Variants in RAMP3 observed in about 807,000 individuals in gnomAD.
RAMP3 encodes the protein receptor activity modifying protein 3, also known as receptor activity-modifying protein 3.
In RAMP3, 14 loss-of-function variants were observed where a neutral mutation model predicts 13.5. The observed-to-expected ratio is 1.04, with a 90% CI of 0.69 to 1.63. RAMP3 has a LOEUF of 1.63. Ranked by LOEUF, RAMP3 falls within the 40% of genes most tolerant of loss-of-function variation. RAMP3 has a pLI of 0.00. For synonymous variants in RAMP3, 106 were observed against 88.3 expected (o/e 1.20, Z -1.12); for missense variants, 200 against 204.8 (o/e 0.98, Z 0.14).
intron 2 of RAMP3, among the ~76,000 whole-genome samples, chr7:45,180,809 T>G (rs575784472): frequency 6.6e-6 from 1 of 152,168 alleles, no homozygotes; most frequent in African/African-American, 2.4e-5. Context: ...CCATCCTGGG[T>G]TGTGGTGCAT....
rs575481854 is a variant in RAMP3 at position 45,177,439 on chromosome 7, C to T, written c.189C>T (p.Ile63=). Residue 63 remains isoleucine (I), a splice_region_variant and synonymous_variant, in exon 2 of 3, where the codon ATC becomes ATT. Coordinates refer to ENST00000242249, the MANE Select transcript of RAMP3 (RefSeq NM_005856.3). The stretch of plus-strand genomic sequence containing the variant: ...AGTGGTGCAACCTGTCCGAGTTCAT[C>T]GTGTGAGTGCCACTGCTGGGCGTGG... The part of the protein sequence containing the change: ...VWKWCNLSEF[I]VYYESFTNCT... 1.2e-5 allele frequency: 20 copies of T among 1,614,078 alleles called. No homozygotes were observed. The highest frequency in any genetic ancestry group is 6.6e-5 in the South Asian group (6 of 91,084).
intron 2 of RAMP3, among the ~76,000 whole-genome samples, chr7:45,180,507 C>T (rs112386816): frequency 1.8e-4 from 28 of 152,346 alleles, no homozygotes; most frequent in African/African-American, 6.3e-4. Context: ...TCCCCAAACT[C>T]GCCCATGGCC....
rs1203787329 is a variant in RAMP3 at position 45,177,401 on chromosome 7, G to T, written c.151G>T (p.Val51Leu). The change falls in exon 2 of 3, where the codon GTG (valine) becomes TTG (leucine). Residue 51 changes from valine to leucine, a missense_variant. Transcript: ENST00000242249. The stretch of plus-strand genomic sequence containing the variant: ...GGCTTTCGCAGACATGATGGGCAAG[G>T]TGGACGTCTGGAAGTGGTGCAACCT... ...GKAFADMMGKVDVWKWCNLSE... is the reference protein window; with the variant it reads ...GKAFADMMGKLDVWKWCNLSE... The T allele has an allele frequency of 6.2e-7, 1 of 1,614,142 alleles. No homozygotes were observed. The highest frequency in any genetic ancestry group is 8.5e-7 in the Non-Finnish European group (1 of 1,179,992).
intron 1 of RAMP3, among the ~76,000 whole-genome samples, chr7:45,175,415 G>C (rs976216694): frequency 6.6e-6 from 1 of 152,232 alleles, no homozygotes; most frequent in African/African-American, 2.4e-5. Flanking sequence ...TCCTGGGGAA[G>C]CTTGCATGGA....
At chr7:45,181,253 T>C (rs1264559149) in intron 2 of RAMP3, among the ~76,000 whole-genome samples, 7 of 152,266 alleles carry the variant, frequency 4.6e-5, no homozygotes, top group African/African-American at 1.7e-4. Flanking sequence ...CTCTGCAACC[T>C]GAGCCTGAAG....
intron 2 of RAMP3, 143 bp downstream of exon 2, chr7:45,177,584 C>T (rs1484256523): frequency 9.5e-6 from 12 of 1,256,890 alleles, no homozygotes; most frequent in Admixed American, 2.2e-5. Flanking sequence ...CACCCACAGC[C>T]CTTTCATGTG....
intron 1 of RAMP3, among the ~76,000 whole-genome samples, chr7:45,168,801 C>G (rs1786025386): frequency 6.6e-6 from 1 of 152,142 alleles, no homozygotes; most frequent in Non-Finnish European, 1.5e-5. Flanking sequence ...CTAGAACTTC[C>G]AGTAATTATG....
Position 45,157,873 on chromosome 7 carries a change from G to T in RAMP3, c.45G>T (p.Leu15=). ...ALRRPQLLPL[L]LLLCGGCPRA... is the part of the protein sequence containing the mutation. Reference sequence around the variant, plus strand: ...GGCGCCCGCAACTTCTCCCGTTGCTGCTGCTGCTCTGCGGTAAGGGGGCGA... The same window carrying T: ...GGCGCCCGCAACTTCTCCCGTTGCTTCTGCTGCTCTGCGGTAAGGGGGCGA... The change falls in exon 1 of 3, where the codon CTG becomes CTT. Residue 15 remains leucine, a synonymous_variant. Coordinates refer to ENST00000242249, the MANE Select transcript of RAMP3 (RefSeq NM_005856.3). 7.1e-7 allele frequency: 1 copy of T among 1,404,340 alleles called. No homozygotes were observed. The allele number at this position is 1,404,340 out of a possible 1,614,324, so 87.0% of individuals were successfully genotyped here.
At chr7:45,158,087 G>C (rs1050283921) in intron 1 of RAMP3, among the ~76,000 whole-genome samples, 1 of 152,256 alleles carries the variant, frequency 6.6e-6, no homozygotes. Flanking sequence ...AAGGACTCTG[G>C]CGGGCAAGGG....
chr7:45,180,336 G>T (rs1382123810), intron 2 of RAMP3, among the ~76,000 whole-genome samples: 1 of 152,226 alleles, frequency 6.6e-6, no homozygotes, highest in East Asian at 1.9e-4. Context: ...CAAGAATGAA[G>T]GACACTCCTT....
rs1043997154 is a variant in RAMP3 at position 45,183,280 on chromosome 7, C to T, written c.315C>T (p.Thr105=). ...ACAGGCAGTTCTTCTCCAACTGCAC[C>T]GTGGACAGGGTCCACTTGGAGGACC... is the stretch of plus-strand genomic sequence containing the variant. The part of the protein sequence containing the change: ...GIHRQFFSNC[T]VDRVHLEDPP... Residue 105 remains threonine, a synonymous_variant, in exon 3 of 3, where the codon ACC becomes ACT. Transcript: ENST00000242249. 27 of 1,614,000 alleles carry T rather than the reference C, an allele frequency of 1.7e-5. No homozygotes were observed. Among genetic ancestry groups the T allele is most frequent in the Non-Finnish European group, 2.1e-5 (25 of 1,180,056 alleles).
chr7:45,160,060 C>CAT (rs1785833914), intron 1 of RAMP3, among the ~76,000 whole-genome samples: 1 of 151,974 alleles, frequency 6.6e-6, no homozygotes, highest in African/African-American at 2.4e-5. Context: ...CGGCCGGGTG[C>CAT]GGTGGCTCAC....
chr7:45,163,385 G>A (rs67041162), intron 1 of RAMP3: 220,920 of 985,236 alleles, frequency 0.22, 26,715 homozygotes, highest in African/African-American at 0.45. Context: ...AGCACTTCAG[G>A]GTCTAGAGCT....
intron 1 of RAMP3, among the ~76,000 whole-genome samples, chr7:45,170,181 G>A (rs1310795682): frequency 1.5e-5 from 2 of 136,366 alleles, no homozygotes; most frequent in Non-Finnish European, 3.2e-5. Context: ...TGATTTTGTT[G>A]ATTTTTTTTC....
At chr7:45,158,711 A>G (rs11769816) in intron 1 of RAMP3, among the ~76,000 whole-genome samples, 46,289 of 152,034 alleles carry the variant, frequency 0.3, 8,966 homozygotes, top group African/African-American at 0.55. Context: ...GGTGGTCCCC[A>G]GTTTCCCTGG....
intron 1 of RAMP3, among the ~76,000 whole-genome samples, chr7:45,175,831 G>A (rs997798216): frequency 6.6e-6 from 1 of 152,178 alleles, no homozygotes; most frequent in Admixed American, 6.5e-5. Flanking sequence ...GGGGCTTCCA[G>A]GGTCTTCCCT....
chr7:45,182,399 G>GT (rs1180644888), intron 2 of RAMP3, among the ~76,000 whole-genome samples: 1 of 152,146 alleles, frequency 6.6e-6, no homozygotes, highest in Non-Finnish European at 1.5e-5. Context: ...ATTGGAACAG[G>GT]TGGTGGCTGG....
At chr7:45,173,941 C>T (rs1228865584) in intron 1 of RAMP3, among the ~76,000 whole-genome samples, 4 of 151,954 alleles carry the variant, frequency 2.6e-5, no homozygotes, top group African/African-American at 4.8e-5. Flanking sequence ...AGCAGAGCCT[C>T]GACAGCAGGG....
rs10256469 is a variant in RAMP3 at position 45,163,572 on chromosome 7, C to T, written c.58+5686C>T. 5,761 of 985,348 alleles carry T rather than the reference C, an allele frequency of 5.8e-3. 262 individuals carry two copies. In the African/African-American group the frequency reaches 0.092, roughly 16 times the overall value. The allele number at this position is 985,348 out of a possible 1,614,324, so 61.0% of individuals were successfully genotyped here. ...GCTCATGGGTGGGACAAGCTGGAGG[C>T]TGGGGTCAGCAGTGGTGGGAATAGG... On this transcript the variant is annotated intron_variant, in intron 1 of 2. Transcript: ENST00000242249.
Sources: allele counts gnomAD v4.1 joint callset (sites outside exome capture counted in the v4.1 genomes callset), GRCh38; gene constraint gnomAD v4.1.1; transcripts MANE v1.5; gene names NCBI Gene and HGNC (gene_info 2026-07-23, HGNC 2026-07-21).